Variants in TUSC3 observed in about 807,000 individuals in gnomAD.
TUSC3 encodes the protein dolichyl-diphosphooligosaccharide--protein glycosyltransferase subunit TUSC3.
In TUSC3, 45 loss-of-function variants were observed where a neutral mutation model predicts 44.8. The ratio of observed to expected loss-of-function variants is 1.00; its 90% CI spans 0.79 to 1.29. The LOEUF (loss-of-function observed/expected upper bound fraction) is 1.29, where lower values mean the gene tolerates loss of function less well. Ranked by LOEUF, TUSC3 falls within the 50% of genes most tolerant of loss-of-function variation. The pLI is 0.00. For missense variants in TUSC3, 519 were observed against 437.9 expected (o/e 1.19, Z -1.65); for synonymous variants, 212 against 152.9 (o/e 1.39, Z -2.85).
chr8:15,547,152 T>C (rs888396385), intron 1 of TUSC3, among the ~76,000 whole-genome samples: 7 of 151,916 alleles, frequency 4.6e-5, no homozygotes, highest in African/African-American at 1.7e-4. Flanking sequence ...TTCCCCTTGA[T>C]GTTACCATGA....
downstream of TUSC3, among the ~76,000 whole-genome samples, chr8:15,770,088 A>C (rs959895372): frequency 6.6e-6 from 1 of 152,180 alleles, no homozygotes; most frequent in African/African-American, 2.4e-5. Flanking sequence ...ATTATAAATC[A>C]ATCTACTTTA....
chr8:15,824,391 C>T, the TUSC3 span, among the ~76,000 whole-genome samples: 2 of 152,106 alleles, frequency 1.3e-5, no homozygotes, highest in African/African-American at 4.8e-5. Context: ...TTAATATATA[C>T]AAACTTGGTG....
the TUSC3 span, among the ~76,000 whole-genome samples, chr8:15,825,784 G>A: frequency 1.7e-4 from 26 of 151,132 alleles, no homozygotes; most frequent in African/African-American, 6.3e-4. Flanking sequence ...GTATTTTGTT[G>A]TTAAGGCCTT....
chr8:15,521,128 C>T (rs1266962009), intron 2 of TUSC3, among the ~76,000 whole-genome samples: 1 of 152,114 alleles, frequency 6.6e-6, no homozygotes, highest in Non-Finnish European at 1.5e-5. Flanking sequence ...AGATCCATGC[C>T]ACCTCTCACT....
chr8:15,591,659 A>T (rs1330299532), intron 1 of TUSC3, among the ~76,000 whole-genome samples: 1 of 152,170 alleles, frequency 6.6e-6, no homozygotes, highest in Non-Finnish European at 1.5e-5. Flanking sequence ...TGACTTGTGG[A>T]GTCCACATTT....
At chr8:15,483,586 A>C (rs1365277411) in intron 2 of TUSC3, 3 of 146,930 alleles carry the variant, frequency 2.0e-5, no homozygotes, top group Non-Finnish European at 2.9e-5. Context: ...TGATCTGCCC[A>C]CCTTGGCCTC....
intron 1 of TUSC3, among the ~76,000 whole-genome samples, chr8:15,558,526 G>T: frequency 1.4e-5 from 1 of 69,842 alleles, no homozygotes; most frequent in East Asian, 4.8e-4. Context: ...CTCATAAAAT[G>T]AGTTAGGGAG....
intron 2 of TUSC3, among the ~76,000 whole-genome samples, chr8:15,636,559 C>G (rs952278634): frequency 6.6e-5 from 10 of 152,276 alleles, no homozygotes; most frequent in Admixed American, 6.5e-4. Flanking sequence ...TGGAAGACAA[C>G]TCATGTTGCC....
intron 3 of TUSC3, among the ~76,000 whole-genome samples, chr8:15,657,489 A>G (rs1454843345): frequency 2.6e-5 from 4 of 152,286 alleles, no homozygotes; most frequent in African/African-American, 4.8e-5. Context: ...CCAGATTTCA[A>G]TACCTGTTTC....
chr8:15,535,958 C>A (rs1267166753), upstream of TUSC3, among the ~76,000 whole-genome samples: 1 of 152,180 alleles, frequency 6.6e-6, no homozygotes, highest in East Asian at 1.9e-4. Flanking sequence ...CAGCCCAATA[C>A]AAATTCATAA....
At chr8:15,635,017 C>G (rs900579771) in intron 2 of TUSC3, among the ~76,000 whole-genome samples, 39 of 152,196 alleles carry the variant, frequency 2.6e-4, no homozygotes, top group Non-Finnish European at 4.6e-4. Flanking sequence ...AACAAGAGAA[C>G]TCAGTGACTG....
intron 2 of TUSC3, among the ~76,000 whole-genome samples, chr8:15,523,946 C>T (rs1234519872): frequency 6.6e-6 from 1 of 150,840 alleles, no homozygotes; most frequent in Non-Finnish European, 1.5e-5. Context: ...GTCCCATCTA[C>T]TCGGGAGGCT....
chr8:15,479,262 T>C (rs915820246), intron 1 of TUSC3, among the ~76,000 whole-genome samples: 2 of 152,210 alleles, frequency 1.3e-5, no homozygotes. Flanking sequence ...TAGTTTCTTT[T>C]GCTGTGAAGA....
chr8:15,508,461 T>TTTTC (rs1318349915), intron 2 of TUSC3, among the ~76,000 whole-genome samples: 3 of 112,826 alleles, frequency 2.7e-5, no homozygotes, highest in Non-Finnish European at 5.4e-5. Flanking sequence ...AGCTTCCTTT[T>TTTTC]TTTTTTTTTT....
At chr8:15,491,992 C>T (rs916877707) in intron 2 of TUSC3, among the ~76,000 whole-genome samples, 1 of 152,206 alleles carries the variant, frequency 6.6e-6, no homozygotes, top group Non-Finnish European at 1.5e-5. Flanking sequence ...AATCTCTGAG[C>T]AGTCTCATAC....
chr8:15,593,713 T>C (rs922474937), intron 1 of TUSC3, among the ~76,000 whole-genome samples: 2 of 152,180 alleles, frequency 1.3e-5, no homozygotes, highest in Admixed American at 6.5e-5. Context: ...TACCATTATA[T>C]TGAAATTATT....
At chr8:15,511,277 A>AAGGG (rs1406991936) in intron 2 of TUSC3, among the ~76,000 whole-genome samples, 3 of 152,024 alleles carry the variant, frequency 2.0e-5, no homozygotes, top group Non-Finnish European at 4.4e-5. Context: ...AGGAGGAAGG[A>AAGGG]AGGGAGGGAG....
At chr8:15,474,048 C>A (rs1188873602) in intron 1 of TUSC3, among the ~76,000 whole-genome samples, 2 of 152,150 alleles carry the variant, frequency 1.3e-5, no homozygotes, top group African/African-American at 2.4e-5. Context: ...GCCAGGAATG[C>A]ATTCTTCCCC....
the TUSC3 span, among the ~76,000 whole-genome samples, chr8:15,790,980 A>G: frequency 6.6e-6 from 1 of 152,140 alleles, no homozygotes; most frequent in Non-Finnish European, 1.5e-5. Flanking sequence ...CATTTCAAAA[A>G]TGGCACTTAC....
Sources: gnomAD v4.1 joint callset for allele counts (sites outside exome capture counted in the v4.1 genomes callset) on GRCh38, gnomAD v4.1.1 for gene constraint, MANE v1.5 for transcripts, NCBI Gene and HGNC (gene_info 2026-07-23, HGNC 2026-07-21) for gene names.